Variants in MOK observed in about 807,000 individuals in gnomAD.
The protein encoded by MOK is MOK protein kinase.
Under a neutral mutation model 54.2 loss-of-function variants are expected in MOK, and 59 were observed. The ratio of observed to expected loss-of-function variants is 1.09; its 90% confidence interval spans 0.88 to 1.35. The LOEUF (loss-of-function observed/expected upper bound fraction) is 1.35, where lower values mean the gene tolerates loss of function less well. Ranked by LOEUF, MOK falls within the 40% of genes most tolerant of loss-of-function variation. MOK has a pLI of 0.00. For synonymous variants in MOK, 210 were observed against 202.7 expected (o/e 1.04, Z -0.31); for missense variants, 517 against 526.2 (o/e 0.98, Z 0.17).
chr14:102,263,430 G>A, intron 4 of MOK, 116 bp downstream of exon 4: 1 of 697,372 alleles, frequency 1.4e-6, no homozygotes, highest in South Asian at 2.3e-5. Context: ...CCTGTACTGT[G>A]TATTATATAT....
intron 4 of MOK, among the ~76,000 whole-genome samples, chr14:102,257,942 A>G (rs1202340542): frequency 6.6e-6 from 1 of 150,570 alleles, no homozygotes; most frequent in East Asian, 2.0e-4. Context: ...ACGCCACTGC[A>G]CTCCAGCCTG....
intron 7 of MOK, among the ~76,000 whole-genome samples, chr14:102,237,236 G>A (rs1015693546): frequency 6.6e-6 from 1 of 152,060 alleles, no homozygotes; most frequent in African/African-American, 2.4e-5. Flanking sequence ...TTCAATACGT[G>A]GACAATCTTC....
At chr14:102,288,156 A>C (rs898130506) in intron 1 of MOK, among the ~76,000 whole-genome samples, 24 of 152,188 alleles carry the variant, frequency 1.6e-4, no homozygotes, top group Admixed American at 1.3e-3. Context: ...CAGAGTTACC[A>C]TATGACCCAG....
At chr14:102,255,287 C>CAG (rs1360355322) in intron 4 of MOK, among the ~76,000 whole-genome samples, 2 of 152,100 alleles carry the variant, frequency 1.3e-5, no homozygotes, top group Non-Finnish European at 2.9e-5. Flanking sequence ...CACTGTACTC[C>CAG]AGCCTGGGTG....
At chr14:102,261,822 C>A (rs1374130740) in intron 4 of MOK, among the ~76,000 whole-genome samples, 1 of 151,750 alleles carries the variant, frequency 6.6e-6, no homozygotes, top group African/African-American at 2.4e-5. Flanking sequence ...CAGGCATAAG[C>A]CACCACGCCC....
intron 4 of MOK, among the ~76,000 whole-genome samples, chr14:102,259,207 T>C (rs2067200428): frequency 6.6e-6 from 1 of 152,216 alleles, no homozygotes; most frequent in South Asian, 2.1e-4. Context: ...ATGTGATCGT[T>C]CCCTTATTTC....
chr14:102,253,538 C>T (rs2066696042), intron 4 of MOK, among the ~76,000 whole-genome samples: 2 of 152,230 alleles, frequency 1.3e-5, no homozygotes, highest in Admixed American at 1.3e-4. Context: ...AGAAGCAGTT[C>T]AACTGCTTTC....
Position 102,235,071 on chromosome 14 carries a change from C to T in MOK, c.591-1282G>A, listed in dbSNP as rs933238805. 2 of 152,284 alleles carry T rather than the reference C, an allele frequency of 1.3e-5. No individual in the cohort carries two copies. The highest frequency in any genetic ancestry group is 2.9e-5 in the Non-Finnish European group (2 of 68,100). 9.4% of individuals were successfully genotyped at this position (152,284 alleles called of 1,614,324 possible). A position where few individuals can be genotyped will look rare whatever the true frequency, so the allele number is the denominator to read the frequency against. On this transcript the variant is annotated intron_variant, in intron 7 of 11. Coordinates refer to ENST00000361847, the MANE Select transcript of MOK (RefSeq NM_014226.3). This position sits in a 1 kb window ranked among gnomAD's most constrained non-coding sequence, Gnocchi z 4.4. ...CCTCCACCGGAACAGCATGACCCCC[C>T]ACCGTATGCCTCCGCTCCGGCTCTA...
At chr14:102,273,782 C>T (rs1416534829) in intron 2 of MOK, among the ~76,000 whole-genome samples, 3 of 151,940 alleles carry the variant, frequency 2.0e-5, no homozygotes, top group Admixed American at 6.6e-5. Context: ...AGCAAAACTC[C>T]GTCTCAAAAA....
At chr14:102,279,284 C>CGTTGTTGTT (rs71116892) in intron 2 of MOK, among the ~76,000 whole-genome samples, 260 of 150,916 alleles carry the variant, frequency 1.7e-3, no homozygotes, top group African/African-American at 5.6e-3. Context: ...GCAAGAGAAC[C>CGTTGTTGTT]GTTGTTGTTG....
rs376559474 is a variant in MOK, at chr14:102,231,756, G to A, written c.932C>T (p.Pro311Leu). 63 of 1,612,252 alleles carry A rather than the reference G, an allele frequency of 3.9e-5. 1 individual carries two copies. The highest frequency in any genetic ancestry group is 6.7e-5 in the East Asian group (3 of 44,882). Residue 311 changes from proline to leucine, a missense_variant, in exon 10 of 12, where the codon CCG becomes CTG. Transcript: ENST00000361847. This position sits in a 1 kb window ranked among gnomAD's most constrained non-coding sequence, Gnocchi z 4.4. ...KAGFPEHPVA[P>L]EPLSNSCQIS... Reference sequence around the variant, plus strand: ...CTGGCAGCTGTTACTGAGTGGTTCCGGTGCCACAGGGTGCTCCGGAAAGCC... The same window carrying A: ...CTGGCAGCTGTTACTGAGTGGTTCCAGTGCCACAGGGTGCTCCGGAAAGCC...
rs1183499208 is a variant in MOK, at chr14:102,252,140, T to C, written c.284-145A>G. ...TAATCTGAAGTAGTCTTAGGAAATA[T>C]GTAGTGTGCCTACAAAACATACCAT... On this transcript the variant is annotated intron_variant, in intron 4 of 11. Transcript: ENST00000361847. 6.5e-6 allele frequency: 4 copies of C among 610,854 alleles called. No individual in the cohort carries two copies. The Admixed American group carries it at 9.5e-5, about 15-fold the overall frequency. The allele number at this position is 610,854 out of a possible 1,614,324, so 37.8% of individuals were successfully genotyped here.
chr14:102,259,237 G>GT (rs761660391), intron 4 of MOK, among the ~76,000 whole-genome samples: 4 of 151,950 alleles, frequency 2.6e-5, no homozygotes, highest in Non-Finnish European at 5.9e-5. Flanking sequence ...TTATTCTTTA[G>GT]TCTTTAATAG....
chr14:102,241,844 C>T (rs1443433722), intron 7 of MOK, among the ~76,000 whole-genome samples: 3 of 152,350 alleles, frequency 2.0e-5, no homozygotes, highest in African/African-American at 4.8e-5. Context: ...AACTTCCAAA[C>T]GTCTGAACCG....
At chr14:102,263,929 A>G (rs980420738) in intron 3 of MOK, 4 of 234,104 alleles carry the variant, frequency 1.7e-5, no homozygotes, top group Admixed American at 5.7e-5. Context: ...CAAAACAATA[A>G]AAGAGGCCAG....
chr14:102,266,239 G>A (rs940284096), intron 2 of MOK, among the ~76,000 whole-genome samples: 2 of 151,714 alleles, frequency 1.3e-5, no homozygotes, highest in Non-Finnish European at 2.9e-5. Flanking sequence ...TTAAGATTTA[G>A]TCTTCAGTTT....
intron 6 of MOK, 88 bp from the exon 7 acceptor site, chr14:102,251,078 G>T: frequency 7.2e-7 from 1 of 1,396,926 alleles, no homozygotes. Context: ...GCACCAGCAG[G>T]AAAATTACTA....
chr14:102,290,079 G>A (rs1019059591), intron 1 of MOK, among the ~76,000 whole-genome samples: 2 of 150,090 alleles, frequency 1.3e-5, no homozygotes, highest in African/African-American at 4.9e-5. Context: ...TCTGGGAAGG[G>A]TTTGAGTATT....
In MOK at chr14:102,276,991, G is replaced by A. The variant is rs895885067; in HGVS notation, c.122+6487C>T. On this transcript the variant is annotated intron_variant, in intron 2 of 11. Coordinates refer to ENST00000361847, the MANE Select transcript of MOK (RefSeq NM_014226.3). ...GCCTCTCAAGTAGCTAGGACTACAG[G>A]AGTGAGCCACTATGCCCTGGTCTTT... Among the ~76,000 whole-genome samples, 8 of 150,708 alleles carry A rather than the reference G, an allele frequency of 5.3e-5. No individual in the cohort carries two copies. In the East Asian group the frequency reaches 1.6e-3, roughly 29 times the overall value.
Sources: gnomAD v4.1 joint callset for allele counts (sites outside exome capture counted in the v4.1 genomes callset) on GRCh38, gnomAD v4.1.1 for gene constraint, Gnocchi (gnomAD v3.1) non-coding constraint, MANE v1.5 for transcripts, NCBI Gene and HGNC (gene_info 2026-07-23, HGNC 2026-07-21) for gene names.